TTC6: variants seen among roughly 807,000 people sequenced by gnomAD.
TTC6 encodes the protein tetratricopeptide repeat domain 6.
Under a neutral mutation model 210.4 loss-of-function variants are expected in TTC6, and 172 were observed. The observed-to-expected ratio is 0.82, with a 90% CI of 0.72 to 0.93. The LOEUF (loss-of-function observed/expected upper bound fraction) is 0.93, where lower values mean the gene tolerates loss of function less well. Among genes scored for constraint, TTC6 ranks in the 40% least tolerant of loss-of-function variants. The probability of loss-of-function intolerance (pLI) is 0.00; values close to 1 mark genes in which losing one functional copy is unlikely to be tolerated. For missense variants in TTC6, 2,414 were observed against 2,318.1 expected, an observed-to-expected ratio of 1.04 and a Z score of -0.85; for synonymous variants, 804 against 819.6, an observed-to-expected ratio of 0.98 and a Z score of 0.32.
At chr14:37,762,882 C>CTTTTTTTTTTTTTTTT (rs369694046) in intron 14 of TTC6, among the ~76,000 whole-genome samples, 1 of 129,602 alleles carries the variant, frequency 7.7e-6, no homozygotes, top group Non-Finnish European at 1.6e-5. Flanking sequence ...CTTTTCTTTT[C>CTTTTTTTTTTTTTTTT]TTTTTTTTTT....
At chr14:37,600,154 G>T (rs1221355968) in intron 1 of TTC6, among the ~76,000 whole-genome samples, 1 of 152,186 alleles carries the variant, frequency 6.6e-6, no homozygotes, top group Non-Finnish European at 1.5e-5. Flanking sequence ...TTAGGTATCC[G>T]TTAGAGCAGA....
intron 2 of TTC6, among the ~76,000 whole-genome samples, chr14:37,609,895 C>G (rs1365199373): frequency 6.6e-6 from 1 of 152,202 alleles, no homozygotes; most frequent in Non-Finnish European, 1.5e-5. Flanking sequence ...GCTGCCCATA[C>G]AGAGTGCTCA....
chr14:37,649,913 C>A (rs1595059685), intron 1 of TTC6, among the ~76,000 whole-genome samples: 1 of 152,234 alleles, frequency 6.6e-6, no homozygotes, highest in Admixed American at 6.5e-5. Context: ...AGTTTAGGTC[C>A]TACAACCCCA....
At chr14:37,708,657 G>A (rs957686657) in intron 5 of TTC6, among the ~76,000 whole-genome samples, 3 of 152,074 alleles carry the variant, frequency 2.0e-5, no homozygotes, top group African/African-American at 7.2e-5. Flanking sequence ...TAGGAAGAAT[G>A]TGAAGAGGCT....
At position 37,823,958 on chromosome 14, in the gene TTC6, G is replaced by A. The variant is rs749747377; in HGVS notation, c.4974+1G>A. 6.2e-7 allele frequency: 1 copy of A among 1,612,730 alleles called. No individual in the cohort carries two copies. The highest frequency in any genetic ancestry group is 1.7e-5 in the Admixed American group (1 of 59,956). The stretch of plus-strand genomic sequence containing the variant: ...AATTAGTTTTGGCTATAATTTGCAG[G>A]TAATATAGCAACATTTTGAGCATTA... On this transcript the variant is annotated splice_donor_variant, in intron 27 of 30. Transcript: ENST00000553443. LOFTEE classifies it high-confidence loss of function.
chr14:37,595,821 TAC>T (rs2095603124), upstream of TTC6: 1 of 152,082 alleles, frequency 6.6e-6, no homozygotes, highest in African/African-American at 2.4e-5. Flanking sequence ...GACTGGAGAA[TAC>T]AGACTTTTTT....
chr14:37,661,346 C>G (rs1249271873), intron 1 of TTC6, among the ~76,000 whole-genome samples: 1 of 150,710 alleles, frequency 6.6e-6, no homozygotes, highest in Non-Finnish European at 1.5e-5. Flanking sequence ...TTTAATCCAT[C>G]CAAGGTTTGA....
chr14:37,828,918 C>T (rs2096178409), intron 29 of TTC6, among the ~76,000 whole-genome samples: 1 of 152,024 alleles, frequency 6.6e-6, no homozygotes. Context: ...CTTTGCATCT[C>T]TTGTAATGCC....
At chr14:37,782,237 T>C (rs572485341) in intron 14 of TTC6, among the ~76,000 whole-genome samples, 38 of 152,228 alleles carry the variant, frequency 2.5e-4, no homozygotes, top group Non-Finnish European at 4.7e-4. Flanking sequence ...ATTTTCACGA[T>C]ATTGATTCTT....
At chr14:37,614,907 C>G (rs1292576176) in intron 2 of TTC6, among the ~76,000 whole-genome samples, 1 of 152,062 alleles carries the variant, frequency 6.6e-6, no homozygotes, top group Non-Finnish European at 1.5e-5. Context: ...GCACCATGCC[C>G]AGCTAACTTT....
At chr14:37,737,881 A>ATGGGG in intron 9 of TTC6, 147 bp downstream of exon 11, 1 of 468,878 alleles carries the variant, frequency 2.1e-6, no homozygotes, top group South Asian at 4.4e-5. Flanking sequence ...GTTTCTTGAG[A>ATGGGG]TGGGGGAGTA....
intron 20 of TTC6, among the ~76,000 whole-genome samples, chr14:37,798,732 T>C (rs944820215): frequency 6.6e-6 from 1 of 152,146 alleles, no homozygotes; most frequent in African/African-American, 2.4e-5. Flanking sequence ...TTGATTTTTG[T>C]AGATAATTTA....
intron 6 of TTC6, 32 bp downstream of exon 8, chr14:37,714,828 T>C (rs530957574): frequency 6.5e-7 from 1 of 1,526,860 alleles, no homozygotes; most frequent in South Asian, 1.2e-5. Flanking sequence ...AGTTTTTTTG[T>C]ACCTCACAGG....
At chr14:37,732,054 A>T (rs1039766071) in intron 7 of TTC6, among the ~76,000 whole-genome samples, 6 of 151,980 alleles carry the variant, frequency 3.9e-5, no homozygotes, top group African/African-American at 1.4e-4. Context: ...TTGAAAATTC[A>T]TGTGTAGCTT....
At chr14:37,782,796 C>T (rs1157327031) in intron 14 of TTC6, among the ~76,000 whole-genome samples, 6 of 152,050 alleles carry the variant, frequency 3.9e-5, no homozygotes, top group South Asian at 2.1e-4. Context: ...TTTTGAGATA[C>T]GTCCCATCAA....
intron 3 of TTC6, among the ~76,000 whole-genome samples, chr14:37,686,838 G>A (rs551709444): frequency 6.6e-6 from 1 of 152,278 alleles, no homozygotes; most frequent in East Asian, 1.9e-4. Flanking sequence ...AGGGAATTAT[G>A]GGAGCTACAA....
At chr14:37,615,548 T>C (rs1229877985) in intron 2 of TTC6, among the ~76,000 whole-genome samples, 1 of 152,110 alleles carries the variant, frequency 6.6e-6, no homozygotes, top group Non-Finnish European at 1.5e-5. Context: ...CTCTGACATC[T>C]CCATTTTCCT....
At chr14:37,761,128 C>A (rs2095983163) in intron 14 of TTC6, among the ~76,000 whole-genome samples, 1 of 152,126 alleles carries the variant, frequency 6.6e-6, no homozygotes, top group Non-Finnish European at 1.5e-5. Context: ...TGCTTGAAAC[C>A]CAGGGTCCTT....
intron 25 of TTC6, 147 bp from the exon 28 acceptor site, chr14:37,817,429 GAT>G: frequency 4.7e-6 from 3 of 644,812 alleles, no homozygotes; most frequent in East Asian, 5.5e-5. Context: ...GTTTTAGAAA[GAT>G]GTGTATTTTA....
Sources: gnomAD v4.1 joint callset for allele counts (sites outside exome capture counted in the v4.1 genomes callset) on GRCh38, gnomAD v4.1.1 for gene constraint, MANE v1.5 for transcripts, NCBI Gene and HGNC (gene_info 2026-07-23, HGNC 2026-07-21) for gene names.